Variants in GPBP1 observed in about 807,000 individuals in gnomAD.
The protein encoded by GPBP1 is GC-rich promoter binding protein 1, also known as vasculin.
In GPBP1, 13 loss-of-function variants were observed where a neutral mutation model predicts 56.5. The ratio of observed to expected loss-of-function variants is 0.23; its 90% CI spans 0.15 to 0.37. GPBP1 has a LOEUF of 0.37. GPBP1 is among the 10% of genes least tolerant of loss of function. The pLI is 1.00. For synonymous variants in GPBP1, 204 were observed against 188.9 expected, an observed-to-expected ratio of 1.08 and a Z score of -0.66; for missense variants, 477 against 572.3, an observed-to-expected ratio of 0.83 and a Z score of 1.70.
Position 57,250,970 on chromosome 5 carries a change from A to G in GPBP1, c.989A>G (p.Asn330Ser), listed in dbSNP as rs776561483. The part of the protein sequence containing the change: ...AGSEKDDDSF[N>S]LHNSNSTHQE... ...AAAAATCAGGATGACGACTCATTTA[A>G]TTTACATAACAGCAATAGTACTCAC... Residue 330 changes from asparagine to serine, a missense_variant, in exon 10 of 12, where the codon AAT (asparagine) becomes AGT (serine). By Grantham distance (46) the Asn-to-Ser change is conservative. Around this residue, in one of 2 missense-constraint regions of GPBP1, gnomAD observed 414 missense variants for 458.2 expected, o/e 0.90. Coordinates refer to ENST00000506184, the MANE Select transcript of GPBP1 (RefSeq NM_022913.4). The G allele has an allele frequency of 6.3e-7, 1 of 1,583,830 alleles. No individual in the cohort carries two copies. Among genetic ancestry groups the G allele is most frequent in the Non-Finnish European group, 8.6e-7 (1 of 1,166,730 alleles).
chr5:57,206,859 A>T (rs1203802207), intron 2 of GPBP1, among the ~76,000 whole-genome samples: 2 of 152,254 alleles, frequency 1.3e-5, no homozygotes, highest in East Asian at 3.9e-4. Flanking sequence ...TACAGTTTTG[A>T]TCACTATGGC....
At chr5:57,186,405 T>TAAA (rs1365255912) in intron 2 of GPBP1, among the ~76,000 whole-genome samples, 6 of 150,898 alleles carry the variant, frequency 4.0e-5, no homozygotes, top group Non-Finnish European at 7.4e-5. Context: ...AAAAAAAAAT[T>TAAA]TTTTTTTCTT....
chr5:57,253,712 A>G (rs911494941), intron 10 of GPBP1, among the ~76,000 whole-genome samples: 1 of 152,134 alleles, frequency 6.6e-6, no homozygotes. Flanking sequence ...TTTTATTTCT[A>G]ATTTTTTCAA....
intron 8 of GPBP1, 53 bp downstream of exon 8, chr5:57,247,268 T>TA: frequency 7.2e-7 from 1 of 1,397,556 alleles, no homozygotes; most frequent in Non-Finnish European, 9.8e-7. Context: ...TTATGATAGT[T>TA]TAACAGTGAA....
rs930948940 is a variant in GPBP1 at position 57,263,826 on chromosome 5, GT to G, written c.*1078del. The stretch of plus-strand genomic sequence containing the variant: ...GCACATTAATTTTGGAATTGTTTCT[GT>G]TTTGCTGCTGACGGAAATACTATTT... On this transcript the variant is annotated 3_prime_UTR_variant, in exon 12 of 12. Coordinates refer to ENST00000506184, the MANE Select transcript of GPBP1 (RefSeq NM_022913.4). The G allele has an allele frequency of 6.6e-6, 1 of 152,078 alleles. No individual in the cohort carries two copies. Among genetic ancestry groups the G allele is most frequent in the Non-Finnish European group, 1.5e-5 (1 of 67,966 alleles). The allele number at this position is 152,078 out of a possible 1,614,324, so 9.4% of individuals were successfully genotyped here.
intron 5 of GPBP1, 71 bp downstream of exon 5, chr5:57,231,392 G>T: frequency 8.0e-7 from 1 of 1,250,384 alleles, no homozygotes; most frequent in Non-Finnish European, 1.1e-6. Flanking sequence ...TCCTGCCTCA[G>T]CCTCTCCAGT....
intron 3 of GPBP1, among the ~76,000 whole-genome samples, chr5:57,229,498 CT>C (rs1756349139): frequency 1.2e-5 from 1 of 81,040 alleles, no homozygotes; most frequent in South Asian, 4.6e-4. Context: ...TTTCCTTTTC[CT>C]TTTTCCTTTT....
rs1472556201 is a variant in GPBP1 at position 57,190,563 on chromosome 5, G to A, written c.-58+14163G>A. 2.7e-5 allele frequency among the ~76,000 whole-genome samples: 4 copies of A among 150,174 alleles called. No homozygotes were observed. The South Asian group carries it at 8.4e-4, about 32-fold the overall frequency. ...CACGCCACTGCACTCCAGCCTGGGT[G>A]ACAGAGCAAGACTCCATCTCAGTTA... On this transcript the variant is annotated intron_variant, in intron 2 of 11. Transcript: ENST00000506184.
intron 2 of GPBP1, among the ~76,000 whole-genome samples, chr5:57,185,868 C>T (rs1036269250): frequency 4.6e-5 from 7 of 151,208 alleles, no homozygotes; most frequent in African/African-American, 9.7e-5. Flanking sequence ...GGCACAGTGG[C>T]GTGCCCCCTG....
chr5:57,262,507 C>A, intron 11 of GPBP1, 87 bp from the exon 12 acceptor site: 1 of 1,063,334 alleles, frequency 9.4e-7, no homozygotes, highest in Non-Finnish European at 1.4e-6. Context: ...GGTTAGGATA[C>A]AATTTTATTA....
intron 5 of GPBP1, among the ~76,000 whole-genome samples, chr5:57,233,938 T>C (rs927242833): frequency 2.0e-5 from 3 of 152,218 alleles, no homozygotes; most frequent in African/African-American, 7.2e-5. Flanking sequence ...CTAATTGCTG[T>C]TGTTATTTTC....
chr5:57,247,064 T>C lies in GPBP1; in HGVS notation c.664-11T>C, dbSNP rs769883114. On this transcript the variant is annotated splice_polypyrimidine_tract_variant and intron_variant, in intron 7 of 11. Transcript: ENST00000506184. ...TTTGATAGCCATTAATGTTTGTGTG[T>C]TTTTCTTTAGCCTACACAATGGAAA... 1.3e-6 allele frequency: 2 copies of C among 1,599,916 alleles called. No homozygotes were observed. The highest frequency in any genetic ancestry group is 3.6e-5 in the Admixed American group (2 of 55,942).
At chr5:57,227,264 A>G (rs1756238625) in intron 3 of GPBP1, among the ~76,000 whole-genome samples, 1 of 151,998 alleles carries the variant, frequency 6.6e-6, no homozygotes, top group South Asian at 2.1e-4. Context: ...GAGCCGTTTC[A>G]CCATTTTGGC....
chr5:57,256,147 T>A (rs959481626), intron 10 of GPBP1, among the ~76,000 whole-genome samples: 2 of 152,058 alleles, frequency 1.3e-5, no homozygotes, highest in South Asian at 4.1e-4. Context: ...TCTCAACTAC[T>A]GAGGAGGCTG....
intron 6 of GPBP1, among the ~76,000 whole-genome samples, chr5:57,240,146 G>A (rs1250126310): frequency 1.3e-5 from 2 of 152,072 alleles, no homozygotes; most frequent in East Asian, 1.9e-4. Flanking sequence ...AGCTACTTGC[G>A]AGGCTGAGGT....
intron 2 of GPBP1, among the ~76,000 whole-genome samples, chr5:57,190,302 C>T (rs1486989870): frequency 6.6e-6 from 1 of 151,888 alleles, no homozygotes; most frequent in Non-Finnish European, 1.5e-5. Context: ...GCTGTTTTAT[C>T]AGCTGGGCGT....
In GPBP1 at chr5:57,247,078, A is replaced by G. The variant is rs151161676; in HGVS notation, c.667A>G (p.Thr223Ala). The G allele has an allele frequency of 3.7e-3, 5,989 of 1,612,446 alleles. 22 individuals carry two copies. The highest frequency in any genetic ancestry group is 5.3e-3 in the Middle Eastern group (32 of 6,052). ...ATGTTTGTGTGTTTTTCTTTAGCCTACACAATGGAAAAGCCAAACAAAAGA... is the reference window on the plus strand; with the variant it reads ...ATGTTTGTGTGTTTTTCTTTAGCCTGCACAATGGAAAAGCCAAACAAAAGA... ...PKPAAPPTKP[T>A]QWKSQTKENK... Residue 223 changes from threonine (T) to alanine (A), a missense_variant, in exon 8 of 12, where the codon ACA becomes GCA. By Grantham distance (58) the Thr-to-Ala change is moderately conservative. Transcript: ENST00000506184.
intron 10 of GPBP1, among the ~76,000 whole-genome samples, chr5:57,252,610 C>G (rs748182678): frequency 1.3e-5 from 2 of 152,110 alleles, no homozygotes; most frequent in Non-Finnish European, 2.9e-5. Flanking sequence ...GTAGGCTAGT[C>G]TCAAACTCCT....
intron 2 of GPBP1, among the ~76,000 whole-genome samples, chr5:57,205,369 C>T (rs1755188876): frequency 6.6e-6 from 1 of 152,142 alleles, no homozygotes; most frequent in Non-Finnish European, 1.5e-5. Context: ...GTGAATAGTG[C>T]TGTTTTGAAC....
Sources: allele counts gnomAD v4.1 joint callset (sites outside exome capture counted in the v4.1 genomes callset), GRCh38; gene constraint gnomAD v4.1.1; regional missense constraint gnomAD v4.1.1; transcripts MANE v1.5; gene names NCBI Gene and HGNC (gene_info 2026-07-23, HGNC 2026-07-21).